LRFN2: variants seen among roughly 807,000 people sequenced by gnomAD.
LRFN2 encodes leucine rich repeat and fibronectin type III domain containing 2, also known as leucine-rich repeat and fibronectin type-III domain-containing protein 2.
A neutral mutation model predicts 37.3 loss-of-function variants in LRFN2; 18 were observed. The observed-to-expected ratio is 0.48, with a 90% confidence interval of 0.33 to 0.72. LRFN2 has a LOEUF of 0.72. Among genes scored for constraint, LRFN2 ranks in the 30% least tolerant of loss-of-function variants. The pLI is 0.02. For synonymous variants in LRFN2, 556 were observed against 466.6 expected, an observed-to-expected ratio of 1.19 and a Z score of -2.47; for missense variants, 1,006 against 1,060.7, an observed-to-expected ratio of 0.95 and a Z score of 0.72.
At chr6:40,405,801 G>A (rs1339558400) in intron 2 of LRFN2, among the ~76,000 whole-genome samples, 10 of 152,188 alleles carry the variant, frequency 6.6e-5, no homozygotes. Context: ...CAATGGCAGA[G>A]ATGACAGGAA....
At chr6:40,527,722 A>G (rs144725154) in intron 1 of LRFN2, among the ~76,000 whole-genome samples, 3 of 152,338 alleles carry the variant, frequency 2.0e-5, no homozygotes, top group Non-Finnish European at 2.9e-5. Flanking sequence ...TATGACATAA[A>G]TTATTTTACT....
chr6:40,467,572 T>C (rs1463414643), intron 1 of LRFN2, among the ~76,000 whole-genome samples: 1 of 152,100 alleles, frequency 6.6e-6, no homozygotes, highest in African/African-American at 2.4e-5. Flanking sequence ...GCTTTACAGG[T>C]GAGCTATCTG....
chr6:40,518,499 C>G (rs1295080395), intron 1 of LRFN2, among the ~76,000 whole-genome samples: 1 of 152,122 alleles, frequency 6.6e-6, no homozygotes, highest in African/African-American at 2.4e-5. Flanking sequence ...TATGCTGCTC[C>G]CTCCTTGAAA....
intron 1 of LRFN2, among the ~76,000 whole-genome samples, chr6:40,480,766 G>A (rs1393499744): frequency 6.6e-6 from 1 of 152,136 alleles, no homozygotes; most frequent in Non-Finnish European, 1.5e-5. Context: ...GTTGTGATTA[G>A]GACTTATCAA....
intron 1 of LRFN2, among the ~76,000 whole-genome samples, chr6:40,576,724 C>A (rs1468486737): frequency 2.0e-5 from 3 of 152,176 alleles, no homozygotes; most frequent in African/African-American, 7.2e-5. Flanking sequence ...TCTCTCTCCA[C>A]CCCAAGAGAG....
chr6:40,508,053 G>A (rs1371830955), intron 1 of LRFN2, among the ~76,000 whole-genome samples: 2 of 152,162 alleles, frequency 1.3e-5, no homozygotes, highest in Non-Finnish European at 2.9e-5. Context: ...CAAAGTCTCA[G>A]GACTCTGAGT....
At chr6:40,490,075 G>A (rs746615304) in intron 1 of LRFN2, among the ~76,000 whole-genome samples, 1 of 152,172 alleles carries the variant, frequency 6.6e-6, no homozygotes, top group Non-Finnish European at 1.5e-5. Flanking sequence ...GCTCCAGGGG[G>A]AAGAAGGGCC....
chr6:40,486,585 G>A (rs1463571585), intron 1 of LRFN2, among the ~76,000 whole-genome samples: 1 of 152,152 alleles, frequency 6.6e-6, no homozygotes, highest in Non-Finnish European at 1.5e-5. Flanking sequence ...CACTTCTCTG[G>A]GTGGAGAATG....
At chr6:40,462,337 C>A (rs905815281) in intron 1 of LRFN2, among the ~76,000 whole-genome samples, 12 of 152,170 alleles carry the variant, frequency 7.9e-5, no homozygotes, top group Admixed American at 7.2e-4. Flanking sequence ...ACAAGTCCCT[C>A]CATACTCTCT....
chr6:40,410,734 C>T lies in LRFN2; in HGVS notation c.1401-17822G>A, dbSNP rs1347221487. ...CCACCCACCTCGCAGCAGGACCCCT[C>T]CTGGTGGCAGAAGATGAGCCGCCTG... On this transcript the variant is annotated intron_variant, in intron 2 of 2. Coordinates refer to ENST00000338305, the MANE Select transcript of LRFN2 (RefSeq NM_020737.3). 2.0e-5 allele frequency among the ~76,000 whole-genome samples: 3 copies of T among 152,210 alleles called. No individual in the cohort carries two copies. In the East Asian group the frequency reaches 5.8e-4, roughly 29 times the overall value.
chr6:40,417,863 C>T (rs931793799), intron 2 of LRFN2, among the ~76,000 whole-genome samples: 2 of 152,196 alleles, frequency 1.3e-5, no homozygotes, highest in Admixed American at 6.5e-5. Flanking sequence ...TGGATGTGAA[C>T]ATTCAGGAGC....
chr6:40,565,908 T>G (rs1383164179), intron 1 of LRFN2, among the ~76,000 whole-genome samples: 2 of 151,830 alleles, frequency 1.3e-5, no homozygotes, highest in Admixed American at 1.3e-4. Flanking sequence ...ACTAAAGAGC[T>G]TCTGCACAGC....
chr6:40,446,623 T>G (rs993257557), intron 1 of LRFN2, among the ~76,000 whole-genome samples: 9 of 152,214 alleles, frequency 5.9e-5, no homozygotes, highest in South Asian at 4.1e-4. Context: ...TGTGCTGAGC[T>G]CCATACAGAA....
chr6:40,520,902 G>A (rs909987), intron 1 of LRFN2, among the ~76,000 whole-genome samples: 76,814 of 151,786 alleles, frequency 0.51, 19,783 homozygotes, highest in Middle Eastern at 0.61. Flanking sequence ...GGAGCAGGGT[G>A]GAAACATTAT....
intron 1 of LRFN2, among the ~76,000 whole-genome samples, chr6:40,512,021 G>A (rs1434987775): frequency 6.6e-6 from 1 of 152,204 alleles, no homozygotes; most frequent in Non-Finnish European, 1.5e-5. Context: ...GTGAATCACC[G>A]TGGGACACAG....
At chr6:40,520,731 G>T (rs562276862) in intron 1 of LRFN2, among the ~76,000 whole-genome samples, 10 of 152,104 alleles carry the variant, frequency 6.6e-5, no homozygotes, top group Admixed American at 6.5e-4. Context: ...AGGGAGGGGT[G>T]GAGAGTTGCC....
intron 1 of LRFN2, among the ~76,000 whole-genome samples, chr6:40,469,207 A>C (rs182367017): frequency 6.6e-6 from 1 of 152,154 alleles, no homozygotes; most frequent in African/African-American, 2.4e-5. Context: ...GAACACCCGG[A>C]GTCATCAGAA....
At chr6:40,514,138 A>C (rs540466628) in intron 1 of LRFN2, among the ~76,000 whole-genome samples, 1 of 152,122 alleles carries the variant, frequency 6.6e-6, no homozygotes, top group Non-Finnish European at 1.5e-5. Flanking sequence ...AGCTCTGGAA[A>C]AATCCTGAAC....
chr6:40,510,087 A>G (rs1765661064), intron 1 of LRFN2, among the ~76,000 whole-genome samples: 1 of 149,888 alleles, frequency 6.7e-6, no homozygotes. Flanking sequence ...TATGCCACGG[A>G]ACACTGGGTT....
Sources: gnomAD v4.1 joint callset for allele counts (sites outside exome capture counted in the v4.1 genomes callset) on GRCh38, gnomAD v4.1.1 for gene constraint, MANE v1.5 for transcripts, NCBI Gene and HGNC (gene_info 2026-07-23, HGNC 2026-07-21) for gene names.